CNIH3: variants seen among roughly 807,000 people sequenced by gnomAD.
CNIH3 encodes the protein cornichon family AMPA receptor auxiliary protein 3.
In CNIH3, 14 loss-of-function variants were observed where a neutral mutation model predicts 24.1. The observed-to-expected ratio is 0.58, with a 90% CI of 0.38 to 0.91. The LOEUF is 0.91. CNIH3 is among the 40% of genes least tolerant of loss of function. CNIH3 has a pLI of 0.00. For missense variants in CNIH3, 178 were observed against 196.8 expected (o/e 0.90, Z 0.57); for synonymous variants, 68 against 73.8 (o/e 0.92, Z 0.40).
In CNIH3 at chr1:224,735,885, T is replaced by C. The variant is rs113474211; in HGVS notation, c.455+1179T>C. 8.3e-3 allele frequency among the ~76,000 whole-genome samples: 1,264 copies of C among 152,142 alleles called. 7 individuals are homozygous for C. The highest frequency in any genetic ancestry group is 0.026 in the South Asian group (125 of 4,820). On this transcript the variant is annotated intron_variant, in intron 5 of 5. Transcript: ENST00000272133. ...TTCACTGTGTTGCCCAGGCAGGTCT[T>C]GAACTCTTGGGCCCAAGTGACCCTT... is the stretch of plus-strand genomic sequence containing the variant.
chr1:224,573,857 G>A (rs892439713), intron 4 of CNIH3, among the ~76,000 whole-genome samples: 8 of 152,216 alleles, frequency 5.3e-5, no homozygotes, highest in South Asian at 2.1e-4. Context: ...TCACTTGCAC[G>A]TAGATGCTTT....
chr1:224,612,878 G>T (rs1682763168), upstream of CNIH3, among the ~76,000 whole-genome samples: 1 of 152,120 alleles, frequency 6.6e-6, no homozygotes, highest in African/African-American at 2.4e-5. The surrounding 1 kb of genome is among the most constrained non-coding windows in gnomAD (Gnocchi z 4.7). Flanking sequence ...ACAATGAAAA[G>T]AAATGATCTA....
chr1:224,641,914 G>A (rs1239671755), intron 1 of CNIH3, among the ~76,000 whole-genome samples: 1 of 152,188 alleles, frequency 6.6e-6, no homozygotes, highest in Non-Finnish European at 1.5e-5. Context: ...CCATTGGTTT[G>A]TTCCTCATGC....
At chr1:224,601,114 GAAGAGGCCC>G (rs1682188798) in intron 3 of CNIH3, among the ~76,000 whole-genome samples, 1 of 152,182 alleles carries the variant, frequency 6.6e-6, no homozygotes. Context: ...AGTACACTTG[GAAGAGGCCC>G]AAGCGAACAA....
chr1:224,586,746 G>C (rs1246031994), intron 5 of CNIH3, among the ~76,000 whole-genome samples: 1 of 152,172 alleles, frequency 6.6e-6, no homozygotes, highest in African/African-American at 2.4e-5. Context: ...AATCATCCTG[G>C]ATTCAGGGTA....
At chr1:224,721,571 G>A (rs549201245) in intron 3 of CNIH3, among the ~76,000 whole-genome samples, 163 of 152,314 alleles carry the variant, frequency 1.1e-3, no homozygotes, top group Admixed American at 3.5e-3. Context: ...TTTAACAAGC[G>A]TGTGAAGAAA....
intron 1 of CNIH3, among the ~76,000 whole-genome samples, chr1:224,622,173 T>C (rs1683314168): frequency 1.3e-5 from 2 of 152,268 alleles, no homozygotes; most frequent in African/African-American, 4.8e-5. Flanking sequence ...GTAACTCGTT[T>C]CTGATTTGGC....
rs56310058 is a variant in CNIH3, at chr1:224,673,768, C to G, written c.82-7190C>G. Among the ~76,000 whole-genome samples, 1,412 of 152,152 alleles carry G rather than the reference C, an allele frequency of 9.3e-3. 16 individuals are homozygous for G. Among genetic ancestry groups the G allele is most frequent in the African/African-American group, 0.032 (1,340 of 41,512 alleles). ...CTTTCTCACTCCTGTCCTAGAGAAC[C>G]AAAAATGGTGCCAGGTACATCGTGG... is the stretch of plus-strand genomic sequence containing the variant. On this transcript the variant is annotated intron_variant, in intron 1 of 5. Transcript: ENST00000272133.
intron 1 of CNIH3, among the ~76,000 whole-genome samples, chr1:224,637,264 C>T (rs376275417): frequency 2.0e-5 from 3 of 152,108 alleles, no homozygotes; most frequent in Admixed American, 2.0e-4. Flanking sequence ...GAGATGCTTT[C>T]TTTACTTGTG....
intron 2 of CNIH3, among the ~76,000 whole-genome samples, chr1:224,544,290 G>T (rs1049549241): frequency 6.6e-6 from 1 of 152,102 alleles, no homozygotes; most frequent in Non-Finnish European, 1.5e-5. Context: ...CCTTCCATAT[G>T]CACTTCATCT....
chr1:224,723,169 GCAAGAGCA>G (rs1688825217), intron 3 of CNIH3, among the ~76,000 whole-genome samples: 1 of 152,184 alleles, frequency 6.6e-6, no homozygotes, highest in East Asian at 1.9e-4. Context: ...GCTGGGCAGG[GCAAGAGCA>G]GAGCCCGGTG....
intron 1 of CNIH3, among the ~76,000 whole-genome samples, chr1:224,484,039 C>T (rs1043694523): frequency 1.3e-4 from 20 of 151,780 alleles, no homozygotes; most frequent in Non-Finnish European, 1.8e-4. Flanking sequence ...GGTGTGGTGG[C>T]GCGTGCCTGT....
chr1:224,539,472 A>G (rs1022043647), downstream of CNIH3, among the ~76,000 whole-genome samples: 4 of 152,142 alleles, frequency 2.6e-5, no homozygotes, highest in African/African-American at 7.2e-5. Flanking sequence ...TCATTGTTGC[A>G]TGAGTTATCT....
chr1:224,710,040 G>A lies in CNIH3; in HGVS notation c.199-20422G>A, dbSNP rs539947319. On this transcript the variant is annotated intron_variant, in intron 3 of 5. Transcript: ENST00000272133. The stretch of plus-strand genomic sequence containing the variant: ...TAGAAAAATTATAACAACATACTGT[G>A]ATAAAAGTTATATGAATACGGTCTC... 7.2e-5 allele frequency among the ~76,000 whole-genome samples: 11 copies of A among 152,268 alleles called. No homozygotes were observed. The South Asian group carries it at 1.0e-3, about 14-fold the overall frequency.
intron 5 of CNIH3, among the ~76,000 whole-genome samples, chr1:224,737,071 T>C (rs1304063999): frequency 6.6e-6 from 1 of 152,200 alleles, no homozygotes; most frequent in East Asian, 1.9e-4. Flanking sequence ...CCCTTTAGCC[T>C]GGGATCCACC....
chr1:224,709,923 C>A (rs1001357957), intron 3 of CNIH3, among the ~76,000 whole-genome samples: 1 of 152,090 alleles, frequency 6.6e-6, no homozygotes, highest in Non-Finnish European at 1.5e-5. Flanking sequence ...TTTTTCCTAT[C>A]CATACATATC....
intron 1 of CNIH3, among the ~76,000 whole-genome samples, chr1:224,450,088 T>C (rs35571080): frequency 0.18 from 27,929 of 152,102 alleles, 2,819 homozygotes; most frequent in Middle Eastern, 0.23. Context: ...GTTCAGAGAC[T>C]CCCTCAACAA....
chr1:224,500,151 G>A (rs984857106), intron 1 of CNIH3, among the ~76,000 whole-genome samples: 8 of 150,852 alleles, frequency 5.3e-5, no homozygotes, highest in Non-Finnish European at 8.9e-5. Flanking sequence ...CTACAGGCCT[G>A]CACCATCAAG....
intron 1 of CNIH3, among the ~76,000 whole-genome samples, chr1:224,506,348 C>A (rs1265214735): frequency 2.0e-5 from 3 of 152,134 alleles, no homozygotes; most frequent in Non-Finnish European, 4.4e-5. Flanking sequence ...TAAAAGACTT[C>A]AGGCACAGTG....
Sources: allele counts gnomAD v4.1 joint callset (sites outside exome capture counted in the v4.1 genomes callset), GRCh38; gene constraint gnomAD v4.1.1; non-coding constraint Gnocchi (gnomAD v3.1); transcripts MANE v1.5; gene names NCBI Gene and HGNC (gene_info 2026-07-23, HGNC 2026-07-21).